MAP3K14: variants seen among roughly 807,000 people sequenced by gnomAD.
The protein encoded by MAP3K14 is mitogen-activated protein kinase kinase kinase 14.
In MAP3K14, 16 loss-of-function variants were observed where a neutral mutation model predicts 99.2. That is an observed-to-expected ratio of 0.16 (90% CI 0.11 to 0.24). The LOEUF is 0.24. Among genes scored for constraint, MAP3K14 ranks in the 10% least tolerant of loss-of-function variants. MAP3K14 has a pLI of 1.00. For missense variants in MAP3K14, 784 were observed against 1,208.7 expected (o/e 0.65, Z 5.21); for synonymous variants, 462 against 492.4 (o/e 0.94, Z 0.82).
chr17:45,312,935 T>C (rs1186781191), intron 1 of MAP3K14, among the ~76,000 whole-genome samples: 2 of 152,130 alleles, frequency 1.3e-5, no homozygotes, highest in East Asian at 3.9e-4. Context: ...GTATTTTCCC[T>C]TTCCTCACCT....
chr17:45,310,132 C>T (rs1250860892), intron 1 of MAP3K14, among the ~76,000 whole-genome samples: 1 of 148,982 alleles, frequency 6.7e-6, no homozygotes, highest in African/African-American at 2.5e-5. Flanking sequence ...CTCCCAGGTT[C>T]AAGTGATTCT....
chr17:45,273,819 A>T lies in MAP3K14; in HGVS notation c.1553-212T>A, dbSNP rs537781607. 2.9e-5 allele frequency: 19 copies of T among 665,684 alleles called. No individual in the cohort carries two copies. In the Admixed American group the frequency reaches 2.9e-4, roughly 10 times the overall value. The allele number at this position is 665,684 out of a possible 1,614,324, so 41.2% of individuals were successfully genotyped here. On this transcript the variant is annotated intron_variant, in intron 8 of 15. Transcript: ENST00000344686. ...AGGCAGGATCTCTGAGGGCAAAGGG[A>T]CAGGAGCAGGGTTTACTCGGGAACG...
intron 6 of MAP3K14, among the ~76,000 whole-genome samples, chr17:45,276,054 C>A (rs993043249): frequency 6.6e-6 from 1 of 152,138 alleles, no homozygotes; most frequent in African/African-American, 2.4e-5. Flanking sequence ...AGCCACCATG[C>A]CCGGCCTCAA....
chr17:45,270,378 G>GC (rs753376916), intron 11 of MAP3K14, 35 bp downstream of exon 11: 86 of 1,596,350 alleles, frequency 5.4e-5, no homozygotes, highest in East Asian at 1.4e-4. Context: ...TCTGTCTTCT[G>GC]CCCCCCGGGT....
chr17:45,312,299 C>G (rs553691283), intron 1 of MAP3K14, among the ~76,000 whole-genome samples: 5 of 152,314 alleles, frequency 3.3e-5, no homozygotes, highest in African/African-American at 1.2e-4. Context: ...AGCCTGAAGT[C>G]AAGTGCAGAG....
chr17:45,279,791 CT>C (rs2044207698), intron 6 of MAP3K14, among the ~76,000 whole-genome samples: 1 of 152,112 alleles, frequency 6.6e-6, no homozygotes, highest in African/African-American at 2.4e-5. Context: ...TCTATAAATT[CT>C]TTTGAAGATT....
At chr17:45,293,458 C>T (rs1362888671) in intron 1 of MAP3K14, among the ~76,000 whole-genome samples, 5 of 152,174 alleles carry the variant, frequency 3.3e-5, no homozygotes, top group African/African-American at 4.8e-5. Flanking sequence ...CACCAGGCTC[C>T]CCTCTTCCCA....
Position 45,289,268 on chromosome 17 carries a change from T to C in MAP3K14, c.294A>G (p.Glu98=), listed in dbSNP as rs1420157663. ...GTTTGGACCCAGCGATGAAAATGCG[T>C]TCTGAAAAGGTGGGGCTGAACTCTT... ...NSQEFSPTFS[E]RIFIAGSKQY... The change falls in exon 3 of 16, where the codon GAA becomes GAG. Residue 98 remains glutamate, a synonymous_variant. Transcript: ENST00000344686. 1 of 1,613,822 alleles carries C rather than the reference T, an allele frequency of 6.2e-7. No homozygotes were observed. Among genetic ancestry groups the C allele is most frequent in the Non-Finnish European group, 8.5e-7 (1 of 1,179,846 alleles).
intron 5 of MAP3K14, among the ~76,000 whole-genome samples, chr17:45,285,819 G>T (rs1657949960): frequency 6.6e-6 from 1 of 151,726 alleles, no homozygotes; most frequent in South Asian, 2.1e-4. Flanking sequence ...GGGCGTGGTG[G>T]TACACGCTTG....
chr17:45,289,077 GC>G (rs2044290537), intron 3 of MAP3K14, among the ~76,000 whole-genome samples, 158 bp downstream of exon 3: 1 of 152,208 alleles, frequency 6.6e-6, no homozygotes, highest in Non-Finnish European at 1.5e-5. Context: ...GGCTGAGAGA[GC>G]GGCTCAGCCA....
At chr17:45,277,458 G>A (rs1359129385) in intron 6 of MAP3K14, among the ~76,000 whole-genome samples, 1 of 152,160 alleles carries the variant, frequency 6.6e-6, no homozygotes, top group Non-Finnish European at 1.5e-5. Context: ...ACACTGTGGG[G>A]TTTTTGGACT....
chr17:45,305,575 A>AT (rs532618981), intron 1 of MAP3K14, among the ~76,000 whole-genome samples: 43 of 151,630 alleles, frequency 2.8e-4, no homozygotes, highest in Admixed American at 6.6e-4. Context: ...TCATTTATTT[A>AT]TTTTTTTGTA....
chr17:45,270,592 C>T, intron 10 of MAP3K14, 29 bp from the exon 11 acceptor site: 1 of 1,519,186 alleles, frequency 6.6e-7, no homozygotes, highest in Non-Finnish European at 8.8e-7. Flanking sequence ...CAGGTGAGGC[C>T]TGCCTTCCCT....
intron 6 of MAP3K14, among the ~76,000 whole-genome samples, chr17:45,275,949 G>T (rs569854382): frequency 1.3e-5 from 2 of 152,050 alleles, no homozygotes; most frequent in East Asian, 3.9e-4. Flanking sequence ...TTTTAGTAGA[G>T]ACGGGGTTTC....
intron 7 of MAP3K14, 35 bp from the exon 8 acceptor site, chr17:45,274,289 T>C (rs779522139): frequency 6.3e-7 from 1 of 1,588,734 alleles, no homozygotes; most frequent in Admixed American, 1.8e-5. Flanking sequence ...ACATGGGACT[T>C]GCCCGAGCCT....
At chr17:45,309,780 A>G (rs200068945) in intron 1 of MAP3K14, among the ~76,000 whole-genome samples, 1 of 151,364 alleles carries the variant, frequency 6.6e-6, no homozygotes, top group East Asian at 1.9e-4. Flanking sequence ...TAGAGACCCA[A>G]TTACTTCTAA....
chr17:45,264,876 T>C lies in MAP3K14; in HGVS notation c.2680-76A>G, dbSNP rs1250258192. On this transcript the variant is annotated intron_variant, in intron 15 of 15. Coordinates refer to ENST00000344686, the MANE Select transcript of MAP3K14 (RefSeq NM_003954.5). ...CATGTAGAAAGGTAAAGACATCTCC[T>C]TCCAGCCAGACCGGCAGCCCTAAGG... 3 of 1,474,082 alleles carry C rather than the reference T, an allele frequency of 2.0e-6. No individual in the cohort carries two copies. The African/African-American group carries it at 4.2e-5, about 20-fold the overall frequency. The allele number at this position is 1,474,082 out of a possible 1,614,324, so 91.3% of individuals were successfully genotyped here.
intron 5 of MAP3K14, among the ~76,000 whole-genome samples, chr17:45,285,645 A>C (rs375765665): frequency 5.2e-4 from 79 of 151,552 alleles, no homozygotes; most frequent in African/African-American, 1.8e-3. Context: ...CAAAACAAAA[A>C]AATTAAAAAA....
chr17:45,286,419 G>A lies in MAP3K14; in HGVS notation c.1152+12C>T. On this transcript the variant is annotated intron_variant, in intron 5 of 15. Transcript: ENST00000344686. This position sits in a 1 kb window ranked among gnomAD's most constrained non-coding sequence, Gnocchi z 4.1. ...GTAGAGGGACATATACAGGTGCCGG[G>A]GGATTAGTTACCTCAGTGAGCAGGA... 1 of 1,575,182 alleles carries A rather than the reference G, an allele frequency of 6.3e-7. No homozygotes were observed. The highest frequency in any genetic ancestry group is 8.6e-7 in the Non-Finnish European group (1 of 1,157,032).
Sources: gnomAD v4.1 joint callset for allele counts (sites outside exome capture counted in the v4.1 genomes callset) on GRCh38, gnomAD v4.1.1 for gene constraint, Gnocchi (gnomAD v3.1) non-coding constraint, MANE v1.5 for transcripts, NCBI Gene and HGNC (gene_info 2026-07-23, HGNC 2026-07-21) for gene names.